The following MAPK10 variants were observed in gnomAD, a reference collection of about 807,000 sequenced individuals.
MAPK10 encodes the protein mitogen-activated protein kinase 10, also known as JNK3 alpha protein kinase.
Under a neutral mutation model 59.3 loss-of-function variants are expected in MAPK10, and 25 were observed. The observed-to-expected ratio is 0.42, with a 90% confidence interval of 0.31 to 0.59. MAPK10 has a LOEUF of 0.59. Ranked by LOEUF, MAPK10 falls within the 20% of genes least tolerant of loss-of-function variation. MAPK10 has a pLI of 0.15. For missense variants in MAPK10, 351 were observed against 568.9 expected (o/e 0.62, Z 3.90); for synonymous variants, 190 against 200.5 (o/e 0.95, Z 0.44).
chr4:86,182,660 A>G (rs1006437455), intron 3 of MAPK10, among the ~76,000 whole-genome samples: 3 of 152,160 alleles, frequency 2.0e-5, no homozygotes, highest in Non-Finnish European at 4.4e-5. Context: ...CTAAAAATAA[A>G]TACACTGTTT....
chr4:86,433,741 C>A lies in MAPK10; in HGVS notation c.-122+19289G>T, dbSNP rs537541823. On this transcript the variant is annotated intron_variant, in intron 1 of 13. Coordinates refer to the MAPK10 transcript ENST00000361569. Reference sequence around the variant, plus strand: ...AAAAACTGCTGGACCACGACTAGGCCGAGCTGTGCCCAGTCCAAGGCTCTA... The same window carrying A: ...AAAAACTGCTGGACCACGACTAGGCAGAGCTGTGCCCAGTCCAAGGCTCTA... 6.6e-5 allele frequency among the ~76,000 whole-genome samples: 10 copies of A among 151,822 alleles called. No homozygotes were observed. In the South Asian group the frequency reaches 2.1e-3, roughly 32 times the overall value.
intron 1 of MAPK10, among the ~76,000 whole-genome samples, chr4:86,526,269 A>C (rs893855063): frequency 2.0e-5 from 3 of 152,214 alleles, no homozygotes; most frequent in East Asian, 1.9e-4. Context: ...TTCAGGGTTC[A>C]ATTTCTTCCT....
At chr4:86,553,908 AT>A (rs1012114149) in intron 1 of MAPK10, among the ~76,000 whole-genome samples, 172 of 148,288 alleles carry the variant, frequency 1.2e-3, no homozygotes, top group African/African-American at 4.2e-3. Context: ...TTTTTTTAGA[AT>A]TTTTTTTTAT....
chr4:86,212,351 G>A (rs541641977), intron 2 of MAPK10, among the ~76,000 whole-genome samples: 1 of 151,602 alleles, frequency 6.6e-6, no homozygotes, highest in South Asian at 2.1e-4. Flanking sequence ...GACCTTGTCT[G>A]TACAAAAAAA....
At chr4:86,406,329 C>T (rs1362998644) in intron 1 of MAPK10, among the ~76,000 whole-genome samples, 3 of 152,110 alleles carry the variant, frequency 2.0e-5, no homozygotes, top group Non-Finnish European at 4.4e-5. Context: ...CCAGTTATTC[C>T]GCTGCAAGCT....
At chr4:86,101,339 T>C (rs2055344265) in intron 7 of MAPK10, 122 bp from the exon 8 acceptor site, 4 of 612,984 alleles carry the variant, frequency 6.5e-6, no homozygotes, top group Non-Finnish European at 1.1e-5. Flanking sequence ...CCTACAGAGC[T>C]CTAAATAAGG....
At chr4:86,106,102 C>T (rs1268357077) in intron 5 of MAPK10, among the ~76,000 whole-genome samples, 1 of 152,008 alleles carries the variant, frequency 6.6e-6, no homozygotes, top group Non-Finnish European at 1.5e-5. Flanking sequence ...ACATACATGT[C>T]AAATGACTGA....
At chr4:86,356,378 G>A (rs1734487558) in intron 1 of MAPK10, 1 of 236,316 alleles carries the variant, frequency 4.2e-6, no homozygotes, top group South Asian at 1.6e-4. Context: ...AAATAAACTA[G>A]AAAATCCTTT....
chr4:86,204,366 T>C (rs2083341905), intron 2 of MAPK10, among the ~76,000 whole-genome samples: 1 of 151,974 alleles, frequency 6.6e-6, no homozygotes, highest in African/African-American at 2.4e-5. Context: ...ATATTGTTCA[T>C]ATAACAAGAT....
chr4:86,257,524 C>T (rs1563686118), intron 2 of MAPK10, among the ~76,000 whole-genome samples: 1 of 152,162 alleles, frequency 6.6e-6, no homozygotes, highest in Admixed American at 6.5e-5. Context: ...ACTGATTCAA[C>T]AATAACTTCA....
chr4:86,025,890 A>C (rs1226982607), intron 13 of MAPK10, among the ~76,000 whole-genome samples: 5 of 152,214 alleles, frequency 3.3e-5, no homozygotes, highest in Admixed American at 6.5e-5. Context: ...ACAACAACAA[A>C]AAAATATGGT....
intron 4 of MAPK10, among the ~76,000 whole-genome samples, chr4:86,149,264 G>GTTTA (rs749720408): frequency 8.5e-5 from 13 of 152,070 alleles, no homozygotes; most frequent in Admixed American, 2.6e-4. Flanking sequence ...GATTTTATTT[G>GTTTA]TTTATTTATT....
At chr4:86,478,740 C>T (rs1753330298) in intron 1 of MAPK10, among the ~76,000 whole-genome samples, 1 of 152,178 alleles carries the variant, frequency 6.6e-6, no homozygotes, top group African/African-American at 2.4e-5. Flanking sequence ...ATACTTCCTT[C>T]TTTCCTGTTC....
chr4:86,163,064 C>T (rs751020346), intron 3 of MAPK10, among the ~76,000 whole-genome samples: 3 of 152,046 alleles, frequency 2.0e-5, no homozygotes, highest in Non-Finnish European at 4.4e-5. Context: ...TTGAATTAAA[C>T]TTCAGGTAAA....
intron 1 of MAPK10, among the ~76,000 whole-genome samples, chr4:86,476,181 G>A (rs556890483): frequency 6.6e-6 from 1 of 151,956 alleles, no homozygotes; most frequent in East Asian, 1.9e-4. Flanking sequence ...AAGCATTGCT[G>A]AGTCTTTCTA....
chr4:86,120,910 T>C (rs1199583474), intron 4 of MAPK10, among the ~76,000 whole-genome samples: 1 of 152,174 alleles, frequency 6.6e-6, no homozygotes, highest in Non-Finnish European at 1.5e-5. Context: ...GTTTTTAGTG[T>C]TTAGTAAATA....
rs70948789 is a variant in MAPK10 at position 86,365,431 on chromosome 4, C to CAAAAAAAAAAAAAAAAAAA, written c.-121-10806_-121-10788dup. ...TGGGCAACAGGGTGAGACTCTGTCT[C>CAAAAAAAAAAAAAAAAAAA]AAAAAAAAAAAAAAAAAAAAAAAAA... is the stretch of plus-strand genomic sequence containing the variant. On this transcript the variant is annotated intron_variant, in intron 1 of 13. Transcript: ENST00000361569. 1.1e-3 allele frequency among the ~76,000 whole-genome samples: 37 copies of CAAAAAAAAAAAAAAAAAAA among 32,448 alleles called. 8 individuals carry two copies. The highest frequency in any genetic ancestry group is 1.3e-3 in the Non-Finnish European group (24 of 19,194). 21.3% of individuals were successfully genotyped at this position (32,448 alleles called of 152,430 possible).
chr4:86,296,762 TATTTA>T (rs1267200443), intron 2 of MAPK10, among the ~76,000 whole-genome samples: 1 of 152,240 alleles, frequency 6.6e-6, no homozygotes, highest in Non-Finnish European at 1.5e-5. Context: ...TCCTATCTAC[TATTTA>T]ATTTAATCAT....
At chr4:86,372,383 G>T (rs1456993559) in intron 1 of MAPK10, among the ~76,000 whole-genome samples, 1 of 151,920 alleles carries the variant, frequency 6.6e-6, no homozygotes, top group Non-Finnish European at 1.5e-5. Flanking sequence ...TGGGCGTGGT[G>T]GTGTGTGCCT....
Sources: allele counts gnomAD v4.1 joint callset (sites outside exome capture counted in the v4.1 genomes callset), GRCh38; gene constraint gnomAD v4.1.1; transcripts MANE v1.5; gene names NCBI Gene and HGNC (gene_info 2026-07-23, HGNC 2026-07-21).